Variants in SLC24A5 observed in about 807,000 individuals in gnomAD.
The protein encoded by SLC24A5 is sodium/potassium/calcium exchanger 5.
SLC24A5 carries 46 observed loss-of-function variants against 51.6 expected under a neutral mutation model. The observed-to-expected ratio is 0.89, with a 90% CI of 0.70 to 1.14. The LOEUF (loss-of-function observed/expected upper bound fraction) is 1.14, where lower values mean the gene tolerates loss of function less well. SLC24A5 is among the 50% of genes most tolerant of loss of function. SLC24A5 has a pLI of 0.00. For missense variants in SLC24A5, 581 were observed against 604.1 expected (o/e 0.96, Z 0.40); for synonymous variants, 230 against 214.9 (o/e 1.07, Z -0.62).
At position 48,142,303 on chromosome 15, in the gene SLC24A5, T is replaced by C. The variant is rs2039119852; in HGVS notation, c.1455T>C (p.Tyr485=). Reference sequence around the variant, plus strand: ...GGCTTGCTACATTATCAGTTCTATATGAACTTGGAATTATTGGAAATAATA... The same window carrying C: ...GGCTTGCTACATTATCAGTTCTATACGAACTTGGAATTATTGGAAATAATA... ...YLGLATLSVL[Y]ELGIIGNNKI... Residue 485 remains tyrosine (Y), a synonymous_variant, in exon 9 of 9, where the codon TAT becomes TAC. Coordinates refer to ENST00000341459, the MANE Select transcript of SLC24A5 (RefSeq NM_205850.3). 6.2e-7 allele frequency: 1 copy of C among 1,611,994 alleles called. No individual in the cohort carries two copies. Among genetic ancestry groups the C allele is most frequent in the Non-Finnish European group, 8.5e-7 (1 of 1,178,890 alleles).
At chr15:48,141,640 G>C (rs1366224621) in intron 8 of SLC24A5, 1 of 164,888 alleles carries the variant, frequency 6.1e-6, no homozygotes, top group Admixed American at 6.2e-5. Flanking sequence ...ACTTTGAAGG[G>C]GGAAAAAAGT....
At position 48,142,280 on chromosome 15, in the gene SLC24A5, C is replaced by A. The variant is rs144839248; in HGVS notation, c.1432C>A (p.Leu478Ile). Residue 478 changes from leucine (L) to isoleucine (I), a missense_variant, in exon 9 of 9, where the codon CTT (leucine) becomes ATT (isoleucine). Physicochemically the swap from Leu to Ile is conservative, Grantham distance 5. Transcript: ENST00000341459. ...AGTCTGCCTATTATCATACTTGGGG[C>A]TTGCTACATTATCAGTTCTATATGA... Reference protein sequence around the residue: ...GIVCLLSYLGLATLSVLYELG... With the variant: ...GIVCLLSYLGIATLSVLYELG... 1 of 1,613,280 alleles carries A rather than the reference C, an allele frequency of 6.2e-7. No individual in the cohort carries two copies. The highest frequency in any genetic ancestry group is 1.3e-5 in the African/African-American group (1 of 74,822).
At chr15:48,141,884 A>C in intron 8 of SLC24A5, 145 bp from the exon 9 acceptor site, 5 of 526,228 alleles carry the variant, frequency 9.5e-6, no homozygotes, top group Non-Finnish European at 1.6e-5. Context: ...TTAAAAATAC[A>C]AATTCAGTAA....
chr15:48,139,373 A>G, intron 7 of SLC24A5, 198 bp downstream of exon 7: 1 of 454,730 alleles, frequency 2.2e-6, no homozygotes, highest in Non-Finnish European at 3.9e-6. Flanking sequence ...TATAAACTGT[A>G]TTTTCCACTG....
At chr15:48,137,716 T>C (rs1465520675) in intron 6 of SLC24A5, 1 of 152,122 alleles carries the variant, frequency 6.6e-6, no homozygotes, top group Non-Finnish European at 1.5e-5. Flanking sequence ...AGACACCTCC[T>C]ATGTTTTAAT....
At position 48,132,176 on chromosome 15, in the gene SLC24A5, T is replaced by C. The variant is rs2459393; in HGVS notation, c.302-2082T>C. On this transcript the variant is annotated intron_variant, in intron 2 of 8. Coordinates refer to ENST00000341459, the MANE Select transcript of SLC24A5 (RefSeq NM_205850.3). ...TTTCTTCACCACACAGACTAGCCTCTACCTCAATACCTTTGCAGTCATTTA... is the reference window on the plus strand; with the variant it reads ...TTTCTTCACCACACAGACTAGCCTCCACCTCAATACCTTTGCAGTCATTTA... Among the ~76,000 whole-genome samples, 902 of 152,264 alleles carry C rather than the reference T, an allele frequency of 5.9e-3. 9 individuals carry two copies. Among genetic ancestry groups the C allele is most frequent in the African/African-American group, 0.021 (857 of 41,550 alleles).
intron 2 of SLC24A5, among the ~76,000 whole-genome samples, chr15:48,133,767 A>C (rs1283478168): frequency 1.3e-5 from 2 of 152,262 alleles, no homozygotes; most frequent in South Asian, 2.1e-4. Flanking sequence ...CCATATTCCG[A>C]ATAATATTTT....
chr15:48,133,901 TC>T (rs2140726410), intron 2 of SLC24A5, among the ~76,000 whole-genome samples: 1 of 152,308 alleles, frequency 6.6e-6, no homozygotes, highest in African/African-American at 2.4e-5. Flanking sequence ...ATCTTTTTTT[TC>T]TTCTTTGAAG....
chr15:48,124,722 G>A (rs190436254), intron 2 of SLC24A5: 10 of 152,180 alleles, frequency 6.6e-5, no homozygotes, highest in Non-Finnish European at 1.2e-4. Context: ...GACTTCCAAC[G>A]TGCACCTTGT....
At position 48,141,317 on chromosome 15, in the gene SLC24A5, G is replaced by A. The variant is rs780508084; in HGVS notation, c.1180+103G>A. On this transcript the variant is annotated intron_variant, in intron 8 of 8. Transcript: ENST00000341459. The stretch of plus-strand genomic sequence containing the variant: ...CTTCCAGCCGGGTGTGGTGGCTCGC[G>A]CCTGTAATCCCAGGATTTTGGGAGG... 43 of 911,868 alleles carry A rather than the reference G, an allele frequency of 4.7e-5. No individual in the cohort carries two copies. In the South Asian group the frequency reaches 5.4e-4, roughly 11 times the overall value. 56.5% of individuals were successfully genotyped at this position (911,868 alleles called of 1,614,324 possible).
chr15:48,134,922 T>C lies in SLC24A5; in HGVS notation c.528T>C (p.Cys176=), dbSNP rs1555452574. 6.2e-7 allele frequency: 1 copy of C among 1,612,624 alleles called. No individual in the cohort carries two copies. Among genetic ancestry groups the C allele is most frequent in the Non-Finnish European group, 8.5e-7 (1 of 1,178,970 alleles). The change falls in exon 5 of 9, where the codon TGT becomes TGC. Residue 176 remains cysteine (C), a synonymous_variant. Coordinates refer to ENST00000341459, the MANE Select transcript of SLC24A5 (RefSeq NM_205850.3). ...TLSCWPLFRD[C]AAYTISAAAV... is the part of the protein sequence containing the mutation. ...CATGTTGGCCCCTATTCAGAGACTGTGCAGCGTACACAATTAGTGCAGCAG... is the reference window on the plus strand; with the variant it reads ...CATGTTGGCCCCTATTCAGAGACTGCGCAGCGTACACAATTAGTGCAGCAG...
rs760502243 is a variant in SLC24A5 at position 48,121,006 on chromosome 15, C to T, written c.-39C>T. On this transcript the variant is annotated 5_prime_UTR_variant, in exon 1 of 9. Coordinates refer to ENST00000341459, the MANE Select transcript of SLC24A5 (RefSeq NM_205850.3). ...ATCCAGTTTAATCCTCCTCTTCTCCCTTCCTGAAGCTGCACGCTGCAGTAA... is the reference window on the plus strand; with the variant it reads ...ATCCAGTTTAATCCTCCTCTTCTCCTTTCCTGAAGCTGCACGCTGCAGTAA... The T allele has an allele frequency of 1.2e-6, 2 of 1,601,740 alleles. No homozygotes were observed. The highest frequency in any genetic ancestry group is 1.7e-6 in the Non-Finnish European group (2 of 1,173,478).
chr15:48,132,737 G>A (rs539151728), intron 2 of SLC24A5, among the ~76,000 whole-genome samples: 152 of 152,076 alleles, frequency 1.0e-3, no homozygotes, highest in African/African-American at 3.5e-3. Context: ...TCAAAATCTG[G>A]GGACTGAAAC....
chr15:48,134,883 G>T lies in SLC24A5; in HGVS notation c.490-1G>T. The T allele has an allele frequency of 6.2e-7, 1 of 1,604,756 alleles. No homozygotes were observed. Among genetic ancestry groups the T allele is most frequent in the Non-Finnish European group, 8.5e-7 (1 of 1,173,762 alleles). On this transcript the variant is annotated splice_acceptor_variant, in intron 4 of 8. Coordinates refer to ENST00000341459, the MANE Select transcript of SLC24A5 (RefSeq NM_205850.3). LOFTEE classifies it high-confidence loss of function. The stretch of plus-strand genomic sequence containing the variant: ...GGAAATAATAACTTACCATATTACA[G>T]GTCTCAACACTATCATGTTGGCCCC...
intron 2 of SLC24A5, chr15:48,122,859 A>C (rs2038693973): frequency 6.6e-6 from 1 of 152,224 alleles, no homozygotes; most frequent in Non-Finnish European, 1.5e-5. Flanking sequence ...TACAGCAAAA[A>C]GCAATGTCAA....
chr15:48,123,357 A>G (rs1214620243), intron 2 of SLC24A5: 1 of 152,044 alleles, frequency 6.6e-6, no homozygotes, highest in Non-Finnish European at 1.5e-5. Context: ...AATCACCTGT[A>G]TTTCCATCTA....
chr15:48,133,207 C>T (rs1366784626), intron 2 of SLC24A5, among the ~76,000 whole-genome samples: 2 of 152,126 alleles, frequency 1.3e-5, no homozygotes. Context: ...CAAAGAGTTG[C>T]CATCAAGTCT....
At chr15:48,141,071 G>C (rs754970797) in intron 7 of SLC24A5, 42 bp from the exon 8 acceptor site, 1 of 1,494,184 alleles carries the variant, frequency 6.7e-7, no homozygotes, top group South Asian at 1.2e-5. Context: ...GATGGTTAGT[G>C]AATCTTTAAG....
At position 48,142,260 on chromosome 15, in the gene SLC24A5, G is replaced by A. The variant is rs2039117179; in HGVS notation, c.1412G>A (p.Cys471Tyr). 6.2e-7 allele frequency: 1 copy of A among 1,613,484 alleles called. No individual in the cohort carries two copies. Among genetic ancestry groups the A allele is most frequent in the African/African-American group, 1.3e-5 (1 of 74,888 alleles). ...WKLDRKLGIVCLLSYLGLATL... is the reference protein window; with the variant it reads ...WKLDRKLGIVYLLSYLGLATL... ...CTAGACAGAAAGTTGGGAATAGTCT[G>A]CCTATTATCATACTTGGGGCTTGCT... Residue 471 changes from cysteine to tyrosine, a missense_variant, in exon 9 of 9, where the codon TGC (cysteine) becomes TAC (tyrosine). Transcript: ENST00000341459.
Sources: gnomAD v4.1 joint callset for allele counts (sites outside exome capture counted in the v4.1 genomes callset) on GRCh38, gnomAD v4.1.1 for gene constraint, MANE v1.5 for transcripts, NCBI Gene and HGNC (gene_info 2026-07-23, HGNC 2026-07-21) for gene names.